GSPT1: variants seen among roughly 807,000 people sequenced by gnomAD.
GSPT1 encodes the protein eukaryotic peptide chain release factor GTP-binding subunit ERF3A.
A neutral mutation model predicts 72.5 loss-of-function variants in GSPT1; 20 were observed. The ratio of observed to expected loss-of-function variants is 0.28; its 90% CI spans 0.19 to 0.40. GSPT1 has a LOEUF of 0.40. GSPT1 is among the 10% of genes least tolerant of loss of function. GSPT1 has a pLI of 1.00. For missense variants in GSPT1, 580 were observed against 811.9 expected (o/e 0.71, Z 3.47); for synonymous variants, 334 against 293.5 (o/e 1.14, Z -1.41).
chr16:11,903,717 A>G (rs2054447407), intron 1 of GSPT1, among the ~76,000 whole-genome samples: 2 of 152,212 alleles, frequency 1.3e-5, no homozygotes, highest in South Asian at 2.1e-4. Flanking sequence ...TTTTAGAACT[A>G]CATAGAATTG....
intron 5 of GSPT1, 138 bp from the exon 6 acceptor site, chr16:11,891,277 A>G: frequency 7.5e-6 from 2 of 268,330 alleles, no homozygotes; most frequent in Non-Finnish European, 1.4e-5. Context: ...CTAAAAAAAT[A>G]TAAAATATAT....
At chr16:11,878,468 C>A (rs1288228405) in intron 11 of GSPT1, among the ~76,000 whole-genome samples, 1 of 151,958 alleles carries the variant, frequency 6.6e-6, no homozygotes, top group African/African-American at 2.4e-5. Flanking sequence ...AGTCCACATG[C>A]CTTTAGCCCC....
chr16:11,915,661 G>C lies in GSPT1; in HGVS notation c.60C>G (p.Gly20=), dbSNP rs928774309. ...GGGGGGGSSS[G]SSSSDSAPDC... ...CAGGCGCCGAGTCGCTGCTGCTGCT[G>C]CCGCTGCTGCTCCCGCCGCCGCCGC... The change falls in exon 1 of 15, where the codon GGC becomes GGG. Residue 20 remains glycine (G), a synonymous_variant. Coordinates refer to ENST00000434724, the MANE Select transcript of GSPT1 (RefSeq NM_002094.4). 1.6e-5 allele frequency: 24 copies of C among 1,487,070 alleles called. No individual in the cohort carries two copies. The Admixed American group carries it at 1.8e-4, about 11-fold the overall frequency. 92.1% of individuals were successfully genotyped at this position (1,487,070 alleles called of 1,614,324 possible).
At chr16:11,916,274 G>A (rs1488153188), upstream of GSPT1, among the ~76,000 whole-genome samples, 1 of 152,072 alleles carries the variant, frequency 6.6e-6, no homozygotes, top group South Asian at 2.1e-4. Flanking sequence ...CCTGTCACCT[G>A]GTGGGGGGGC....
chr16:11,891,801 T>C (rs1016025763), intron 5 of GSPT1, among the ~76,000 whole-genome samples: 1 of 151,726 alleles, frequency 6.6e-6, no homozygotes, highest in South Asian at 2.1e-4. Context: ...TAGCTGGGAT[T>C]ACAGGCGTGT....
chr16:11,901,866 C>T (rs998887820), intron 1 of GSPT1, among the ~76,000 whole-genome samples: 76 of 151,764 alleles, frequency 5.0e-4, no homozygotes, highest in African/African-American at 1.8e-3. Context: ...GAGGTGGAGG[C>T]GGGCGGATCA....
chr16:11,872,534 T>G lies in GSPT1; in HGVS notation c.*585A>C, dbSNP rs1239772704. On this transcript the variant is annotated 3_prime_UTR_variant, in exon 15 of 15. Coordinates refer to ENST00000434724, the MANE Select transcript of GSPT1 (RefSeq NM_002094.4). ...TACAAACTTGAACGCTGTGAATGTC[T>G]CATTTATAGTGGGTAGGGAAAGAGT... The G allele has an allele frequency of 1.3e-5, 2 of 152,228 alleles. No homozygotes were observed. The highest frequency in any genetic ancestry group is 2.4e-5 in the African/African-American group (1 of 41,450). The allele number at this position is 152,228 out of a possible 1,614,324, so 9.4% of individuals were successfully genotyped here. A position where few individuals can be genotyped will look rare whatever the true frequency, so the allele number is the denominator to read the frequency against.
At position 11,875,949 on chromosome 16, in the gene GSPT1, G is replaced by C. The variant is rs754026821; in HGVS notation, c.1693-20C>G. 10 of 1,598,414 alleles carry C rather than the reference G, an allele frequency of 6.3e-6. No homozygotes were observed. In the Admixed American group the frequency reaches 1.7e-4, roughly 28 times the overall value. The stretch of plus-strand genomic sequence containing the variant: ...TAAGGCCTAACCAAGAAAAGAGTAT[G>C]AGAAAATCAGAATAATGCCAAATAA... On this transcript the variant is annotated intron_variant, in intron 13 of 14. Transcript: ENST00000434724.
intron 4 of GSPT1, 28 bp from the exon 5 acceptor site, chr16:11,895,015 T>C (rs752261042): frequency 3.2e-6 from 5 of 1,555,880 alleles, no homozygotes; most frequent in South Asian, 2.3e-5. Flanking sequence ...ATGCAAACCA[T>C]AGGTTAAAAC....
At position 11,873,053 on chromosome 16, in the gene GSPT1, C is replaced by T. The variant is rs1040578284; in HGVS notation, c.*66G>A. 53 of 823,602 alleles carry T rather than the reference C, an allele frequency of 6.4e-5. No homozygotes were observed. Among genetic ancestry groups the T allele is most frequent in the Non-Finnish European group, 8.7e-5 (43 of 495,326 alleles). 51.0% of individuals were successfully genotyped at this position (823,602 alleles called of 1,614,324 possible). ...TCAATGGGCAGAAAATAAGAGAAGGCGGTGTGAAGTAGGCTTCTGCAGTCA... is the reference window on the plus strand; with the variant it reads ...TCAATGGGCAGAAAATAAGAGAAGGTGGTGTGAAGTAGGCTTCTGCAGTCA... On this transcript the variant is annotated 3_prime_UTR_variant, in exon 15 of 15. Coordinates refer to ENST00000434724, the MANE Select transcript of GSPT1 (RefSeq NM_002094.4).
intron 3 of GSPT1, among the ~76,000 whole-genome samples, chr16:11,897,515 G>A (rs972330650): frequency 6.6e-6 from 1 of 152,128 alleles, no homozygotes; most frequent in African/African-American, 2.4e-5. Context: ...AACCTGGGAG[G>A]CGGAGGTTGC....
chr16:11,892,961 A>T (rs2054288471), intron 5 of GSPT1, among the ~76,000 whole-genome samples: 1 of 152,010 alleles, frequency 6.6e-6, no homozygotes, highest in South Asian at 2.1e-4. Flanking sequence ...AGTTTTGATG[A>T]ATGACTATGG....
chr16:11,895,878 G>A (rs1381341247), intron 4 of GSPT1, among the ~76,000 whole-genome samples: 1 of 152,174 alleles, frequency 6.6e-6, no homozygotes, highest in Non-Finnish European at 1.5e-5. Flanking sequence ...GCCCGCCTTG[G>A]CCTCCCAAAG....
chr16:11,882,949 C>T lies in GSPT1; in HGVS notation c.1428+66G>A, dbSNP rs2054139534. 8 of 984,142 alleles carry T rather than the reference C, an allele frequency of 8.1e-6. No homozygotes were observed. In the Admixed American group the frequency reaches 1.5e-4, roughly 18 times the overall value. The allele number at this position is 984,142 out of a possible 1,614,324, so 61.0% of individuals were successfully genotyped here. A position where few individuals can be genotyped will look rare whatever the true frequency, so the allele number is the denominator to read the frequency against. ...TCCTGCCTCGGTGACAGAAGAAGAC[C>T]CTATCTCTTAAAGAAAAAGAAAAAA... is the stretch of plus-strand genomic sequence containing the variant. On this transcript the variant is annotated intron_variant, in intron 11 of 14. Transcript: ENST00000434724.
chr16:11,884,396 A>G (rs927948328), intron 10 of GSPT1, among the ~76,000 whole-genome samples: 5 of 152,270 alleles, frequency 3.3e-5, no homozygotes, highest in African/African-American at 1.2e-4. Flanking sequence ...AAACTTGTTG[A>G]ATAAATTATG....
Position 11,886,950 on chromosome 16 carries a change from A to G in GSPT1, c.958-19T>C. 1 of 1,610,680 alleles carries G rather than the reference A, an allele frequency of 6.2e-7. No individual in the cohort carries two copies. ...AGATTACCTAATTCCAAGAAAGGAA[A>G]CAGTTTACTCCTTCGCCTTCAGGCA... is the stretch of plus-strand genomic sequence containing the variant. On this transcript the variant is annotated intron_variant, in intron 7 of 14. Coordinates refer to ENST00000434724, the MANE Select transcript of GSPT1 (RefSeq NM_002094.4).
intron 9 of GSPT1, 71 bp downstream of exon 9, chr16:11,886,398 CAT>C (rs1171617737): frequency 3.2e-6 from 3 of 941,964 alleles, no homozygotes; most frequent in African/African-American, 3.3e-5. Flanking sequence ...TGTTACTCAG[CAT>C]ATGTCTTTAT....
chr16:11,903,050 C>T (rs185686346), intron 1 of GSPT1, among the ~76,000 whole-genome samples: 1 of 152,146 alleles, frequency 6.6e-6, no homozygotes, highest in Admixed American at 6.6e-5. Flanking sequence ...AAAGGAAACC[C>T]GTATTCATTT....
At chr16:11,892,420 G>A (rs2054273385) in intron 5 of GSPT1, among the ~76,000 whole-genome samples, 1 of 148,530 alleles carries the variant, frequency 6.7e-6, no homozygotes, top group Non-Finnish European at 1.5e-5. Flanking sequence ...GAGTTGGGAG[G>A]ACTGCCTGAG....
Sources: allele counts gnomAD v4.1 joint callset (sites outside exome capture counted in the v4.1 genomes callset), GRCh38; gene constraint gnomAD v4.1.1; transcripts MANE v1.5; gene names NCBI Gene and HGNC (gene_info 2026-07-23, HGNC 2026-07-21).